LDLRAD4: variants seen among roughly 807,000 people sequenced by gnomAD.
The protein encoded by LDLRAD4 is low density lipoprotein receptor class A domain containing 4.
A neutral mutation model predicts 17.0 loss-of-function variants in LDLRAD4; 5 were observed. The ratio of observed to expected loss-of-function variants is 0.29; its 90% CI spans 0.15 to 0.62. LDLRAD4 has a LOEUF of 0.62. Among genes scored for constraint, LDLRAD4 ranks in the 20% least tolerant of loss-of-function variants. The probability of loss-of-function intolerance (pLI) is 0.84; values close to 1 mark genes in which losing one functional copy is unlikely to be tolerated. For missense variants in LDLRAD4, 340 were observed against 424.7 expected, an observed-to-expected ratio of 0.80 and a Z score of 1.75; for synonymous variants, 168 against 171.8, an observed-to-expected ratio of 0.98 and a Z score of 0.17.
At chr18:13,412,558 G>A (rs942464086) in intron 2 of LDLRAD4, among the ~76,000 whole-genome samples, 3 of 152,102 alleles carry the variant, frequency 2.0e-5, no homozygotes, top group African/African-American at 7.2e-5. Flanking sequence ...TATGGACTAG[G>A]TACATGAGGA....
Position 13,571,697 on chromosome 18 carries a change from T to C in LDLRAD4, c.182-49420T>C, listed in dbSNP as rs556918502. 6.6e-3 allele frequency among the ~76,000 whole-genome samples: 1,012 copies of C among 152,288 alleles called. 6 individuals carry two copies. The highest frequency in any genetic ancestry group is 0.023 in the African/African-American group (953 of 41,550). The stretch of plus-strand genomic sequence containing the variant: ...TGTTGCCCAGGCTGGAGTGCAGTGG[T>C]ATGATCTCAGCTCACTGCAAGCTCC... On this transcript the variant is annotated intron_variant, in intron 3 of 5. Transcript: ENST00000359446.
intron 3 of LDLRAD4, among the ~76,000 whole-genome samples, chr18:13,574,227 T>C (rs1228726007): frequency 1.3e-5 from 2 of 152,200 alleles, no homozygotes; most frequent in Admixed American, 6.5e-5. Flanking sequence ...TTATTACCCA[T>C]GGTTTGCTTT....
chr18:13,579,643 T>TG (rs2094828086), intron 3 of LDLRAD4, among the ~76,000 whole-genome samples: 1 of 152,244 alleles, frequency 6.6e-6, no homozygotes, highest in African/African-American at 2.4e-5. Context: ...GGTGGAGACA[T>TG]ATCACTGGAC....
chr18:13,501,848 G>C (rs1438883113), intron 3 of LDLRAD4, among the ~76,000 whole-genome samples: 1 of 152,166 alleles, frequency 6.6e-6, no homozygotes, highest in Non-Finnish European at 1.5e-5. Context: ...TTCATTTCAA[G>C]ATTCTTAACA....
chr18:13,397,392 C>G (rs558488133), intron 2 of LDLRAD4, among the ~76,000 whole-genome samples: 1 of 152,188 alleles, frequency 6.6e-6, no homozygotes, highest in African/African-American at 2.4e-5. Context: ...ATCCACCCAC[C>G]TCGGCCTCCC....
chr18:13,379,832 C>T (rs1350965322), intron 1 of LDLRAD4, among the ~76,000 whole-genome samples: 1 of 152,260 alleles, frequency 6.6e-6, no homozygotes, highest in African/African-American at 2.4e-5. Context: ...AGCTCCCCCT[C>T]CCTTCCTGCC....
At chr18:13,497,511 C>A (rs1162044444) in intron 3 of LDLRAD4, among the ~76,000 whole-genome samples, 1 of 149,104 alleles carries the variant, frequency 6.7e-6, no homozygotes, top group South Asian at 2.1e-4. Flanking sequence ...TTTTTTTTTT[C>A]CTTCTTTTTT....
chr18:13,304,098 C>T (rs1307075704), intron 1 of LDLRAD4, among the ~76,000 whole-genome samples: 3 of 152,214 alleles, frequency 2.0e-5, no homozygotes, highest in Non-Finnish European at 4.4e-5. Context: ...CGGGAGGCAG[C>T]CCTGCTGCTG....
At position 13,415,834 on chromosome 18, in the gene LDLRAD4, C is replaced by T. The variant is rs556169161; in HGVS notation, c.41-22410C>T. ...GGGTGGGTGGGGAGCCTGGGCTGCC[C>T]GGAGGGGTGCTCCCTCTATGCCCTT... is the stretch of plus-strand genomic sequence containing the variant. On this transcript the variant is annotated intron_variant, in intron 2 of 5. Coordinates refer to ENST00000359446, the Ensembl canonical transcript of LDLRAD4. Among the ~76,000 whole-genome samples, 13 of 152,336 alleles carry T rather than the reference C, an allele frequency of 8.5e-5. No homozygotes were observed. In the South Asian group the frequency reaches 1.2e-3, roughly 15 times the overall value.
At chr18:13,381,814 A>T (rs747866269) in intron 1 of LDLRAD4, among the ~76,000 whole-genome samples, 2 of 152,218 alleles carry the variant, frequency 1.3e-5, no homozygotes, top group Non-Finnish European at 2.9e-5. Context: ...TTGATCCTAA[A>T]TGAACATAGG....
chr18:13,567,358 G>C (rs1481518520), intron 3 of LDLRAD4, among the ~76,000 whole-genome samples: 1 of 152,230 alleles, frequency 6.6e-6, no homozygotes, highest in Non-Finnish European at 1.5e-5. Context: ...TGAGGGGCTT[G>C]TTGACCTGGG....
intron 2 of LDLRAD4, among the ~76,000 whole-genome samples, chr18:13,436,557 C>T (rs949656789): frequency 2.0e-5 from 3 of 152,168 alleles, no homozygotes; most frequent in Non-Finnish European, 4.4e-5. Context: ...TACCTGTTTT[C>T]GGTTAATGCG....
intron 3 of LDLRAD4, among the ~76,000 whole-genome samples, chr18:13,594,051 T>TACAC (rs562649759): frequency 6.6e-6 from 1 of 151,858 alleles, no homozygotes; most frequent in Non-Finnish European, 1.5e-5. Flanking sequence ...CATATATTCA[T>TACAC]ACACACACAC....
intron 3 of LDLRAD4, among the ~76,000 whole-genome samples, chr18:13,516,694 G>T (rs1488387627): frequency 6.6e-6 from 1 of 152,114 alleles, no homozygotes; most frequent in African/African-American, 2.4e-5. Flanking sequence ...TCTGTATAAG[G>T]TCATATAAAG....
Position 13,540,583 on chromosome 18 carries a change from A to T in LDLRAD4, c.182-80534A>T, listed in dbSNP as rs537811730. Among the ~76,000 whole-genome samples, 4 of 152,304 alleles carry T rather than the reference A, an allele frequency of 2.6e-5. No homozygotes were observed. In the South Asian group the frequency reaches 8.3e-4, roughly 32 times the overall value. The stretch of plus-strand genomic sequence containing the variant: ...TTAAATATATTTACAGCCTTTTCAG[A>T]GAGTTCCGTGGGGGTTCGTCAGTGG... On this transcript the variant is annotated intron_variant, in intron 3 of 5. Transcript: ENST00000359446.
At chr18:13,249,709 C>T (rs944160201) in intron 1 of LDLRAD4, among the ~76,000 whole-genome samples, 1 of 151,742 alleles carries the variant, frequency 6.6e-6, no homozygotes, top group African/African-American at 2.4e-5. Context: ...CATGTTTTTA[C>T]TCTGTTGATT....
chr18:13,260,284 T>C (rs2043743676), intron 1 of LDLRAD4, among the ~76,000 whole-genome samples: 1 of 152,316 alleles, frequency 6.6e-6, no homozygotes, highest in South Asian at 2.1e-4. Context: ...GGACCCTGCA[T>C]AGAGCCTGTT....
At chr18:13,432,889 T>A (rs1320043246) in intron 2 of LDLRAD4, among the ~76,000 whole-genome samples, 7 of 152,152 alleles carry the variant, frequency 4.6e-5, no homozygotes, top group African/African-American at 1.7e-4. Context: ...GCTAATTTTT[T>A]AATTTTTTGT....
chr18:13,513,105 T>A (rs2093808095), intron 3 of LDLRAD4, among the ~76,000 whole-genome samples: 1 of 152,130 alleles, frequency 6.6e-6, no homozygotes, highest in African/African-American at 2.4e-5. Flanking sequence ...TTACATAAGC[T>A]CCATAAGTGT....
Sources: gnomAD v4.1 joint callset for allele counts (sites outside exome capture counted in the v4.1 genomes callset) on GRCh38, gnomAD v4.1.1 for gene constraint, MANE v1.5 for transcripts, NCBI Gene and HGNC (gene_info 2026-07-23, HGNC 2026-07-21) for gene names.